SMCHD1: variants seen among roughly 807,000 people sequenced by gnomAD.
The protein encoded by SMCHD1 is structural maintenance of chromosomes flexible hinge domain-containing protein 1.
In SMCHD1, 78 loss-of-function variants were observed where a neutral mutation model predicts 254.7. The observed-to-expected ratio is 0.31, with a 90% CI of 0.26 to 0.37. The LOEUF (loss-of-function observed/expected upper bound fraction) is 0.37. SMCHD1 is among the 10% of genes least tolerant of loss of function. The probability of loss-of-function intolerance (pLI) is 1.00; values close to 1 mark genes in which losing one functional copy is unlikely to be tolerated. For synonymous variants in SMCHD1, 766 were observed against 794.9 expected (o/e 0.96, Z 0.61); for missense variants, 1,840 against 2,408.1 (o/e 0.76, Z 4.94).
chr18:2,728,072 A>G (rs2075060479), intron 22 of SMCHD1, among the ~76,000 whole-genome samples: 3 of 151,786 alleles, frequency 2.0e-5, no homozygotes, highest in South Asian at 2.1e-4. Context: ...TCTAAAACAT[A>G]TAGTTACTTG....
intron 27 of SMCHD1, among the ~76,000 whole-genome samples, chr18:2,740,038 C>T (rs1417150861): frequency 1.3e-5 from 2 of 151,572 alleles, no homozygotes; most frequent in African/African-American, 4.9e-5. Context: ...CACCCATCAA[C>T]CCGTCATCTA....
chr18:2,785,089 C>G (rs1056509222), intron 45 of SMCHD1: 1 of 268,882 alleles, frequency 3.7e-6, no homozygotes, highest in Non-Finnish European at 7.3e-6. Context: ...CATGTGATCT[C>G]CTGCCCCTTT....
intron 40 of SMCHD1, 69 bp from the exon 41 acceptor site, chr18:2,772,181 A>G: frequency 1.3e-5 from 17 of 1,292,292 alleles, no homozygotes; most frequent in Non-Finnish European, 1.7e-5. Flanking sequence ...ATTTTTCTCC[A>G]CTGTCATTAT....
chr18:2,715,912 G>A (rs988745653), intron 17 of SMCHD1, among the ~76,000 whole-genome samples: 1 of 152,040 alleles, frequency 6.6e-6, no homozygotes, highest in African/African-American at 2.4e-5. Flanking sequence ...TTTCTTTTTG[G>A]TTAGGATCCA....
At chr18:2,748,587 G>T (rs1256401873) in intron 30 of SMCHD1, among the ~76,000 whole-genome samples, 1 of 151,866 alleles carries the variant, frequency 6.6e-6, no homozygotes, top group Admixed American at 6.6e-5. Flanking sequence ...TACAGACGGG[G>T]TTTCACCACG....
At chr18:2,676,988 G>A (rs181930110) in intron 5 of SMCHD1, among the ~76,000 whole-genome samples, 244 of 151,996 alleles carry the variant, frequency 1.6e-3, no homozygotes, top group Middle Eastern at 6.8e-3. Context: ...TGTCATGTTC[G>A]ATCTCCTTCA....
chr18:2,775,593 A>G, intron 41 of SMCHD1, 141 bp from the exon 42 acceptor site: 2 of 584,216 alleles, frequency 3.4e-6, no homozygotes, highest in South Asian at 5.5e-5. Context: ...TATTCAAGTT[A>G]AGTTTTTGAC....
At chr18:2,768,542 T>C (rs1377748727) in intron 37 of SMCHD1, among the ~76,000 whole-genome samples, 10 of 148,716 alleles carry the variant, frequency 6.7e-5, no homozygotes, top group Admixed American at 2.7e-4. Context: ...TGCTATGTTA[T>C]AGATAATTGT....
intron 39 of SMCHD1, among the ~76,000 whole-genome samples, chr18:2,770,534 G>T (rs1172869882): frequency 6.6e-6 from 1 of 152,056 alleles, no homozygotes; most frequent in African/African-American, 2.4e-5. Context: ...AGGTATCTGG[G>T]GCAGCACACA....
intron 45 of SMCHD1, among the ~76,000 whole-genome samples, chr18:2,787,888 C>T (rs1468426529): frequency 6.6e-6 from 1 of 152,156 alleles, no homozygotes; most frequent in Admixed American, 6.6e-5. Flanking sequence ...GAAGAAATCA[C>T]AGATTTAAAG....
intron 24 of SMCHD1, 58 bp from the exon 25 acceptor site, chr18:2,732,207 G>A: frequency 7.7e-7 from 1 of 1,306,050 alleles, no homozygotes; most frequent in South Asian, 1.3e-5. Flanking sequence ...AAATTCTTCA[G>A]GAGTGTAAAA....
At chr18:2,694,313 A>C (rs567710609) in intron 7 of SMCHD1, among the ~76,000 whole-genome samples, 1 of 152,222 alleles carries the variant, frequency 6.6e-6, no homozygotes, top group Admixed American at 6.5e-5. Flanking sequence ...CTCTTTATGC[A>C]TGCTAGTTTA....
rs1013322077 is a variant in SMCHD1 at position 2,803,610 on chromosome 18, T to G, written c.*1058T>G. 1.3e-5 allele frequency: 2 copies of G among 152,210 alleles called. No homozygotes were observed. The highest frequency in any genetic ancestry group is 4.8e-5 in the African/African-American group (2 of 41,454). The allele number at this position is 152,210 out of a possible 1,614,324, so 9.4% of individuals were successfully genotyped here. A position where few individuals can be genotyped will look rare whatever the true frequency, so the allele number is the denominator to read the frequency against. On this transcript the variant is annotated 3_prime_UTR_variant, in exon 48 of 48. Coordinates refer to ENST00000320876, the MANE Select transcript of SMCHD1 (RefSeq NM_015295.3). ...ATAAATAAGATTGTTTCTTCCCTAC[T>G]GAATAGATAAGTGTTTTTCTTTTTT...
At chr18:2,743,383 A>G (rs1490562608) in intron 28 of SMCHD1, among the ~76,000 whole-genome samples, 1 of 146,240 alleles carries the variant, frequency 6.8e-6, no homozygotes, top group East Asian at 2.1e-4. Flanking sequence ...TTAAGGTATC[A>G]TGTACAAAAA....
rs773850543 is a variant in SMCHD1, at chr18:2,775,772, G to A, written c.5214G>A (p.Ala1738=). The change falls in exon 42 of 48, where the codon GCG becomes GCA. Residue 1738 remains alanine, a synonymous_variant. Transcript: ENST00000320876. ...HLAQIEDDRA[A]MVISWHLASD... The stretch of plus-strand genomic sequence containing the variant: ...CACAAATTGAAGATGATAGAGCTGC[G>A]ATGGTTATTTCTTGGCATCTGGCAA... The A allele has an allele frequency of 3.2e-5, 51 of 1,613,288 alleles. No homozygotes were observed. The South Asian group carries it at 3.8e-4, about 12-fold the overall frequency.
chr18:2,747,399 C>A, intron 29 of SMCHD1, 123 bp from the exon 30 acceptor site: 1 of 811,720 alleles, frequency 1.2e-6, no homozygotes, highest in Non-Finnish European at 1.8e-6. Context: ...TTTTCATTGA[C>A]CAAAGAAGCC....
intron 34 of SMCHD1, among the ~76,000 whole-genome samples, chr18:2,757,111 G>A (rs1159808195): frequency 2.6e-5 from 4 of 152,100 alleles, no homozygotes; most frequent in Non-Finnish European, 5.9e-5. Context: ...ATGTATATGT[G>A]TATATGTATG....
At chr18:2,720,817 A>G (rs890216885) in intron 19 of SMCHD1, among the ~76,000 whole-genome samples, 3 of 152,140 alleles carry the variant, frequency 2.0e-5, no homozygotes, top group African/African-American at 4.8e-5. Flanking sequence ...GGGTCTCACT[A>G]TGTTACCCAT....
intron 36 of SMCHD1, among the ~76,000 whole-genome samples, chr18:2,762,455 G>GAATA (rs1186380924): frequency 6.7e-6 from 1 of 149,330 alleles, no homozygotes; most frequent in Non-Finnish European, 1.5e-5. Flanking sequence ...ATAATAAGCA[G>GAATA]AACTGACTCA....
Sources: allele counts gnomAD v4.1 joint callset (sites outside exome capture counted in the v4.1 genomes callset), GRCh38; gene constraint gnomAD v4.1.1; transcripts MANE v1.5; gene names NCBI Gene and HGNC (gene_info 2026-07-23, HGNC 2026-07-21).